Variants in KIR2DL1 observed in about 807,000 individuals in gnomAD.
The protein encoded by KIR2DL1 is killer cell immunoglobulin like receptor, two Ig domains and long cytoplasmic tail 1.
In KIR2DL1, 38 loss-of-function variants were observed where a neutral mutation model predicts 33.9. The observed-to-expected ratio is 1.12, with a 90% confidence interval of 0.86 to 1.47. The LOEUF (loss-of-function observed/expected upper bound fraction) is 1.47. Among genes scored for constraint, KIR2DL1 ranks in the 40% most tolerant of loss-of-function variants. KIR2DL1 has a pLI of 0.00. For missense variants in KIR2DL1, 531 were observed against 433.9 expected, an observed-to-expected ratio of 1.22 and a Z score of -1.99; for synonymous variants, 179 against 165.9, an observed-to-expected ratio of 1.08 and a Z score of -0.61.
In KIR2DL1 at chr19:54,781,947, C is replaced by T. The variant is rs1460017351; in HGVS notation, c.716-975C>T. The stretch of plus-strand genomic sequence containing the variant: ...CTCCTGGACTGCACCTGGGCCTATG[C>T]CAATTCCTATCACTCACCGTCACTC... On this transcript the variant is annotated intron_variant, in intron 5 of 7. Coordinates refer to ENST00000336077, the MANE Select transcript of KIR2DL1 (RefSeq NM_014218.3). 1.2e-4 allele frequency among the ~76,000 whole-genome samples: 19 copies of T among 152,188 alleles called. No homozygotes were observed. In the South Asian group the frequency reaches 3.7e-3, roughly 30 times the overall value.
chr19:54,775,588 C>T lies in KIR2DL1; in HGVS notation c.664+130C>T. 9 of 1,259,104 alleles carry T rather than the reference C, an allele frequency of 7.1e-6. 1 individual carries two copies. The highest frequency in any genetic ancestry group is 1.3e-5 in the South Asian group (1 of 75,450). The allele number at this position is 1,259,104 out of a possible 1,614,324, so 78.0% of individuals were successfully genotyped here. On this transcript the variant is annotated intron_variant, in intron 4 of 7. Transcript: ENST00000336077. ...CGCAGCCTCGGTGTGAGGGAGGGAT[C>T]AGGGCACAGGATGGCCGACAGGGCA... is the stretch of plus-strand genomic sequence containing the variant.
rs557156716 is a variant in KIR2DL1, at chr19:54,772,830, C to A, written c.71-503C>A. The stretch of plus-strand genomic sequence containing the variant: ...ACATAGGGAGGGGTTGATACTCCTC[C>A]AACCAGCACCAGGAGCCAGCCTATG... On this transcript the variant is annotated intron_variant, in intron 2 of 7. Coordinates refer to ENST00000336077, the MANE Select transcript of KIR2DL1 (RefSeq NM_014218.3). Among the ~76,000 whole-genome samples the A allele has an allele frequency of 2.1e-4, 31 of 145,194 alleles. 1 individual carries two copies. Among genetic ancestry groups the A allele is most frequent in the East Asian group, 7.8e-4 (4 of 5,120 alleles).
chr19:54,775,812 C>G (rs2076261879), intron 4 of KIR2DL1, among the ~76,000 whole-genome samples: 1 of 149,038 alleles, frequency 6.7e-6, no homozygotes, highest in Admixed American at 6.7e-5. Context: ...ACAGAGATGT[C>G]ATCACCAGCA....
In KIR2DL1 at chr19:54,782,931, G is replaced by C. The variant is rs750228934; in HGVS notation, c.725G>C (p.Arg242Pro). The C allele has an allele frequency of 1.7e-5, 27 of 1,613,552 alleles. No individual in the cohort carries two copies. In the African/African-American group the frequency reaches 2.9e-4, roughly 18 times the overall value. ...TEPSSKTGNPRHLHILIGTSV... is the reference protein window; with the variant it reads ...TEPSSKTGNPPHLHILIGTSV... Reference sequence around the variant, plus strand: ...TCTCATCTTCTTCCAGGTAACCCCCGACACCTGCACATTCTGATTGGGACC... The same window carrying C: ...TCTCATCTTCTTCCAGGTAACCCCCCACACCTGCACATTCTGATTGGGACC... Residue 242 changes from arginine to proline, a missense_variant, in exon 6 of 8, where the codon CGA becomes CCA. Transcript: ENST00000336077.
chr19:54,773,660 T>C (rs764745094), intron 3 of KIR2DL1, 28 bp downstream of exon 3: 7 of 1,548,632 alleles, frequency 4.5e-6, no homozygotes, highest in East Asian at 2.3e-5. Flanking sequence ...TTCTTCTCAT[T>C]GTCATTGGGA....
chr19:54,771,990 G>C (rs1229361759), intron 2 of KIR2DL1, among the ~76,000 whole-genome samples: 1 of 148,148 alleles, frequency 6.8e-6, no homozygotes, highest in South Asian at 2.1e-4. Flanking sequence ...TGCAAGTCCT[G>C]ACTGTATTTG....
chr19:54,782,402 A>G (rs2077081505), intron 5 of KIR2DL1, among the ~76,000 whole-genome samples: 1 of 151,986 alleles, frequency 6.6e-6, no homozygotes, highest in Non-Finnish European at 1.5e-5. Context: ...ACCAGCATCT[A>G]TTTCTCGTGA....
chr19:54,778,349 T>C lies in KIR2DL1; in HGVS notation c.665-263T>C, dbSNP rs150206911. Among the ~76,000 whole-genome samples the C allele has an allele frequency of 2.9e-3, 437 of 149,516 alleles. 2 individuals are homozygous for C. Among genetic ancestry groups the C allele is most frequent in the African/African-American group, 0.01 (415 of 41,088 alleles). On this transcript the variant is annotated intron_variant, in intron 4 of 7. Coordinates refer to ENST00000336077, the MANE Select transcript of KIR2DL1 (RefSeq NM_014218.3). ...CCGTTGTTCTATGTGCCTTTCTTTATGCCAATGTCATGCTATTTTGCTTAC... is the reference window on the plus strand; with the variant it reads ...CCGTTGTTCTATGTGCCTTTCTTTACGCCAATGTCATGCTATTTTGCTTAC...
rs1213071774 is a variant in KIR2DL1 at position 54,784,065 on chromosome 19, C to T, written c.*252C>T. The T allele has an allele frequency of 8.1e-6, 5 of 619,442 alleles. No individual in the cohort carries two copies. Among genetic ancestry groups the T allele is most frequent in the African/African-American group, 3.7e-5 (2 of 54,342 alleles). 38.4% of individuals were successfully genotyped at this position (619,442 alleles called of 1,614,324 possible). A position where few individuals can be genotyped will look rare whatever the true frequency, so the allele number is the denominator to read the frequency against. On this transcript the variant is annotated 3_prime_UTR_variant, in exon 8 of 8. Coordinates refer to ENST00000336077, the MANE Select transcript of KIR2DL1 (RefSeq NM_014218.3). ...CACAGTTCTCCATTTCACTTGACCC[C>T]TGCCCACCTCTCCAACCTAACTGGC...
rs1232965248 is a variant in KIR2DL1, at chr19:54,773,705, G to A, written c.370+73G>A. On this transcript the variant is annotated intron_variant, in intron 3 of 7. Transcript: ENST00000336077. ...AATGATCCAGGAATTGGAGACCCAG[G>A]TGGCTGTAAGGAAGATGAGCTTGGT... 207 of 1,435,804 alleles carry A rather than the reference G, an allele frequency of 1.4e-4. 18 individuals are homozygous for A. Among genetic ancestry groups the A allele is most frequent in the Non-Finnish European group, 1.9e-4 (203 of 1,042,012 alleles). The allele number at this position is 1,435,804 out of a possible 1,614,324, so 88.9% of individuals were successfully genotyped here.
intron 4 of KIR2DL1, among the ~76,000 whole-genome samples, chr19:54,777,316 C>T (rs566046263): frequency 4.0e-5 from 6 of 148,414 alleles, no homozygotes; most frequent in Middle Eastern, 3.5e-3. Flanking sequence ...GTCTCAAACT[C>T]CCAACCTTAT....
chr19:54,777,360 G>T (rs1378853011), intron 4 of KIR2DL1, among the ~76,000 whole-genome samples: 2 of 147,958 alleles, frequency 1.4e-5, no homozygotes, highest in South Asian at 4.3e-4. Flanking sequence ...CAAAGTTCTA[G>T]GATGACACAA....
At chr19:54,773,178 C>G (rs1436478250) in intron 2 of KIR2DL1, among the ~76,000 whole-genome samples, 155 bp from the exon 3 acceptor site, 2 of 148,430 alleles carry the variant, frequency 1.3e-5, no homozygotes, top group Non-Finnish European at 3.0e-5. Context: ...ATGGAAGGAC[C>G]TGCACCAGGA....
intron 5 of KIR2DL1, among the ~76,000 whole-genome samples, chr19:54,782,239 G>C (rs2147635303): frequency 6.6e-6 from 1 of 152,022 alleles, no homozygotes; most frequent in Middle Eastern, 3.4e-3. Context: ...CAGGAAGACA[G>C]CCCAGGGTGT....
intron 3 of KIR2DL1, 88 bp from the exon 4 acceptor site, chr19:54,775,075 CAT>C (rs1387978366): frequency 7.0e-7 from 1 of 1,419,496 alleles, no homozygotes; most frequent in African/African-American, 1.5e-5. Flanking sequence ...AGCATTAGGT[CAT>C]AGAACAGGGG....
In KIR2DL1 at chr19:54,784,220, C is replaced by T; in HGVS notation, c.*407C>T. 6.2e-6 allele frequency: 2 copies of T among 324,826 alleles called. No individual in the cohort carries two copies. The highest frequency in any genetic ancestry group is 2.1e-5 in the African/African-American group (1 of 46,872). 20.1% of individuals were successfully genotyped at this position (324,826 alleles called of 1,614,324 possible). A position where few individuals can be genotyped will look rare whatever the true frequency, so the allele number is the denominator to read the frequency against. Reference sequence around the variant, plus strand: ...CCTTCCCTCATGCTGTTCCACCTCCCCTCAGACTAGCTTTCAGTCTTCTGT... The same window carrying T: ...CCTTCCCTCATGCTGTTCCACCTCCTCTCAGACTAGCTTTCAGTCTTCTGT... On this transcript the variant is annotated 3_prime_UTR_variant, in exon 8 of 8. Transcript: ENST00000336077.
chr19:54,769,843 G>T lies in KIR2DL1; in HGVS notation c.-8G>T, dbSNP rs543711979. ...CGGTCGCGGCTGCCTGTCTGCTCCG[G>T]CAGCACCATGTCGCTCTTGGTCGTC... On this transcript the variant is annotated 5_prime_UTR_variant, in exon 1 of 8. Transcript: ENST00000336077. 3.8e-6 allele frequency: 6 copies of T among 1,567,960 alleles called. 2 individuals carry two copies. The African/African-American group carries it at 5.5e-5, about 14-fold the overall frequency.
chr19:54,781,251 C>T (rs4020185), intron 5 of KIR2DL1, among the ~76,000 whole-genome samples: 3 of 122,252 alleles, frequency 2.5e-5, no homozygotes, highest in Non-Finnish European at 5.4e-5. Context: ...TTCCAATCAT[C>T]GTTTTTCTAT....
At chr19:54,771,269 G>A (rs916242879) in intron 2 of KIR2DL1, among the ~76,000 whole-genome samples, 1 of 148,600 alleles carries the variant, frequency 6.7e-6, no homozygotes, top group Non-Finnish European at 1.5e-5. Context: ...ATCCTCTGAT[G>A]GGGACTCAGT....
Sources: allele counts gnomAD v4.1 joint callset (sites outside exome capture counted in the v4.1 genomes callset), GRCh38; gene constraint gnomAD v4.1.1; transcripts MANE v1.5; gene names NCBI Gene and HGNC (gene_info 2026-07-23, HGNC 2026-07-21).